Variants in CRPPA observed in about 807,000 individuals in gnomAD.
The protein encoded by CRPPA is CDP-L-ribitol pyrophosphorylase A, also known as D-ribitol-5-phosphate cytidylyltransferase.
A neutral mutation model predicts 52.0 loss-of-function variants in CRPPA; 43 were observed. The ratio of observed to expected loss-of-function variants is 0.83; its 90% CI spans 0.65 to 1.07. The LOEUF is 1.07. Among genes scored for constraint, CRPPA ranks in the 50% least tolerant of loss-of-function variants. CRPPA has a pLI of 0.00. For missense variants in CRPPA, 629 were observed against 551.7 expected, an observed-to-expected ratio of 1.14 and a Z score of -1.40; for synonymous variants, 250 against 203.5, an observed-to-expected ratio of 1.23 and a Z score of -1.94.
At chr7:16,187,616 T>A (rs982407284) in intron 9 of CRPPA, among the ~76,000 whole-genome samples, 3 of 152,196 alleles carry the variant, frequency 2.0e-5, no homozygotes, top group African/African-American at 7.2e-5. Flanking sequence ...TATAACACAA[T>A]TATAAATGTC....
rs750536217 is a variant in CRPPA at position 16,089,235 on chromosome 7, C to T, written c.*2460G>A. 2.2e-5 allele frequency: 8 copies of T among 371,444 alleles called. No homozygotes were observed. The highest frequency in any genetic ancestry group is 2.9e-5 in the Non-Finnish European group (5 of 170,724). The allele number at this position is 371,444 out of a possible 1,614,324, so 23.0% of individuals were successfully genotyped here. ...ATATACATATATGTGTGTATGCGTA[C>T]GTATATACATATATGTGTGTATGCG... On this transcript the variant is annotated 3_prime_UTR_variant, in exon 10 of 10. Transcript: ENST00000407010.
intron 9 of CRPPA, among the ~76,000 whole-genome samples, chr7:16,187,895 A>T (rs922321449): frequency 1.3e-5 from 2 of 152,160 alleles, no homozygotes; most frequent in Non-Finnish European, 2.9e-5. Flanking sequence ...ACAGAGAATT[A>T]CATTGATGAT....
At chr7:16,101,693 T>A (rs1782048948) in intron 9 of CRPPA, among the ~76,000 whole-genome samples, 1 of 152,040 alleles carries the variant, frequency 6.6e-6, no homozygotes, top group African/African-American at 2.4e-5. Context: ...GAGAGCCAAA[T>A]CATGAGTTAA....
chr7:16,293,615 A>G (rs1784607534), intron 5 of CRPPA, among the ~76,000 whole-genome samples: 1 of 151,938 alleles, frequency 6.6e-6, no homozygotes, highest in Non-Finnish European at 1.5e-5. Context: ...CATTACTACA[A>G]TATAAATGGA....
At chr7:16,153,264 T>C (rs779910679) in intron 9 of CRPPA, among the ~76,000 whole-genome samples, 11 of 152,068 alleles carry the variant, frequency 7.2e-5, no homozygotes, top group Non-Finnish European at 1.6e-4. Context: ...TATTATGACA[T>C]CAACACAACA....
intron 3 of CRPPA, among the ~76,000 whole-genome samples, chr7:16,369,082 T>C (rs984344918): frequency 1.3e-5 from 2 of 152,162 alleles, no homozygotes; most frequent in Non-Finnish European, 2.9e-5. Flanking sequence ...AGTCCCTGTG[T>C]AGCAGGAAGA....
chr7:16,326,367 A>C (rs1265988082), intron 3 of CRPPA, among the ~76,000 whole-genome samples: 1 of 152,106 alleles, frequency 6.6e-6, no homozygotes, highest in Non-Finnish European at 1.5e-5. Flanking sequence ...TAGGAAACAT[A>C]TGTAGATATT....
In CRPPA at chr7:16,090,010, T is replaced by G. The variant is rs1781802298; in HGVS notation, c.*1685A>C. 6.5e-6 allele frequency: 1 copy of G among 153,296 alleles called. No homozygotes were observed. Among genetic ancestry groups the G allele is most frequent in the African/African-American group, 2.4e-5 (1 of 41,426 alleles). The allele number at this position is 153,296 out of a possible 1,614,324, so 9.5% of individuals were successfully genotyped here. ...CCTGATGACTTCAACAGGTGCATGTTGGGGACTTGGCAGCTGTGGTTTTCG... is the reference window on the plus strand; with the variant it reads ...CCTGATGACTTCAACAGGTGCATGTGGGGGACTTGGCAGCTGTGGTTTTCG... On this transcript the variant is annotated 3_prime_UTR_variant, in exon 10 of 10. Coordinates refer to ENST00000407010, the MANE Select transcript of CRPPA (RefSeq NM_001101426.4).
chr7:16,413,487 C>G (rs1788119072), intron 1 of CRPPA, among the ~76,000 whole-genome samples: 1 of 152,222 alleles, frequency 6.6e-6, no homozygotes, highest in Admixed American at 6.5e-5. Flanking sequence ...CTTTCTCATT[C>G]TGAATCTCTA....
At chr7:16,247,828 T>C (rs1308437017) in intron 8 of CRPPA, 1 of 152,198 alleles carries the variant, frequency 6.6e-6, no homozygotes, top group Non-Finnish European at 1.5e-5. Flanking sequence ...AATTCTATTT[T>C]AAAACTAGTT....
chr7:16,200,168 A>T (rs998227388), intron 9 of CRPPA, among the ~76,000 whole-genome samples: 2 of 152,092 alleles, frequency 1.3e-5, no homozygotes, highest in African/African-American at 2.4e-5. Context: ...AGATCTGTAG[A>T]CTTCTAAAAG....
chr7:16,092,787 C>G (rs1781862029), intron 9 of CRPPA, among the ~76,000 whole-genome samples: 1 of 152,156 alleles, frequency 6.6e-6, no homozygotes, highest in Admixed American at 6.5e-5. Flanking sequence ...GATCCCATTA[C>G]CTGGTAATAA....
intron 1 of CRPPA, among the ~76,000 whole-genome samples, chr7:16,411,475 T>A (rs76286155): frequency 6.6e-6 from 1 of 151,998 alleles, no homozygotes; most frequent in African/African-American, 2.4e-5. Flanking sequence ...AAGTTTCTTA[T>A]AATTTCTTGT....
At chr7:16,294,397 G>C (rs1321008939) in intron 5 of CRPPA, among the ~76,000 whole-genome samples, 1 of 151,820 alleles carries the variant, frequency 6.6e-6, no homozygotes, top group Non-Finnish European at 1.5e-5. Context: ...AACAAATTAA[G>C]GAAATGGTAA....
intron 3 of CRPPA, among the ~76,000 whole-genome samples, chr7:16,323,025 G>A (rs1228704327): frequency 6.6e-6 from 1 of 152,024 alleles, no homozygotes; most frequent in Non-Finnish European, 1.5e-5. Context: ...ACAGCATGGG[G>A]GAACCGACCC....
intron 3 of CRPPA, among the ~76,000 whole-genome samples, chr7:16,317,868 T>C (rs1388201435): frequency 1.3e-5 from 2 of 152,100 alleles, no homozygotes; most frequent in African/African-American, 4.8e-5. Flanking sequence ...ACCAACAGAG[T>C]ATCAAAGTTC....
rs948762956 is a variant in CRPPA at position 16,090,963 on chromosome 7, G to A, written c.*732C>T. 6.6e-6 allele frequency: 1 copy of A among 151,960 alleles called. No individual in the cohort carries two copies. The highest frequency in any genetic ancestry group is 1.9e-4 in the East Asian group (1 of 5,180). The allele number at this position is 151,960 out of a possible 1,614,324, so 9.4% of individuals were successfully genotyped here. A position where few individuals can be genotyped will look rare whatever the true frequency, so the allele number is the denominator to read the frequency against. On this transcript the variant is annotated 3_prime_UTR_variant, in exon 10 of 10. Transcript: ENST00000407010. ...TACCTTATAGAAGATAACTAACCAG[G>A]GATTGACCAGAATCACCTACGAAAC...
chr7:16,210,356 C>T (rs1782098817), intron 9 of CRPPA: 1 of 152,140 alleles, frequency 6.6e-6, no homozygotes, highest in Admixed American at 6.6e-5. Context: ...TAGTCACCTC[C>T]CCTGAGTGTG....
intron 1 of CRPPA, among the ~76,000 whole-genome samples, chr7:16,411,991 T>C (rs921312233): frequency 6.6e-5 from 10 of 152,198 alleles, no homozygotes; most frequent in Admixed American, 5.9e-4. Flanking sequence ...AAGAGGCAGA[T>C]AGGATAACAT....
Sources: gnomAD v4.1 joint callset for allele counts (sites outside exome capture counted in the v4.1 genomes callset) on GRCh38, gnomAD v4.1.1 for gene constraint, MANE v1.5 for transcripts, NCBI Gene and HGNC (gene_info 2026-07-23, HGNC 2026-07-21) for gene names.